Variants in ST3GAL1 observed in about 807,000 individuals in gnomAD.
The protein encoded by ST3GAL1 is ST3 beta-galactoside alpha-2,3-sialyltransferase 1, also known as CMP-N-acetylneuraminate-beta-galactosamide-alpha-2,3-sialyltransferase 1.
Under a neutral mutation model 34.1 loss-of-function variants are expected in ST3GAL1, and 16 were observed. That is an observed-to-expected ratio of 0.47 (90% CI 0.32 to 0.71). The LOEUF is 0.71. Ranked by LOEUF, ST3GAL1 falls within the 30% of genes least tolerant of loss-of-function variation. ST3GAL1 has a pLI of 0.04. For synonymous variants in ST3GAL1, 191 were observed against 184.7 expected (o/e 1.03, Z -0.28); for missense variants, 353 against 447.4 (o/e 0.79, Z 1.90).
intron 5 of ST3GAL1, among the ~76,000 whole-genome samples, chr8:133,473,596 G>A (rs1816047802): frequency 6.6e-6 from 1 of 152,212 alleles, no homozygotes; most frequent in Non-Finnish European, 1.5e-5. Context: ...GAGAGGAGAT[G>A]GGATGTGTGT....
intron 7 of ST3GAL1, among the ~76,000 whole-genome samples, chr8:133,464,508 C>A (rs1282874036): frequency 3.9e-5 from 6 of 152,232 alleles, no homozygotes; most frequent in Non-Finnish European, 7.3e-5. Flanking sequence ...CTAGTGGCGG[C>A]CCCTTCCCAT....
intron 8 of ST3GAL1, among the ~76,000 whole-genome samples, chr8:133,462,739 T>C (rs1815558558): frequency 6.6e-6 from 1 of 152,190 alleles, no homozygotes; most frequent in African/African-American, 2.4e-5. Context: ...TCTAGGAGGC[T>C]GTCCCTTCCA....
At chr8:133,567,378 C>A (rs1261606854) in intron 1 of ST3GAL1, 1 of 152,210 alleles carries the variant, frequency 6.6e-6, no homozygotes, top group African/African-American at 2.4e-5. Context: ...AACAACCCAA[C>A]CACCACCAAT....
chr8:133,483,066 G>A (rs1229316743), intron 3 of ST3GAL1, among the ~76,000 whole-genome samples: 1 of 152,228 alleles, frequency 6.6e-6, no homozygotes, highest in African/African-American at 2.4e-5. Context: ...CGCAGGCCGG[G>A]CATGGTGGCT....
chr8:133,554,605 C>T (rs1025108014), intron 1 of ST3GAL1, among the ~76,000 whole-genome samples: 2 of 152,172 alleles, frequency 1.3e-5, no homozygotes, highest in Non-Finnish European at 2.9e-5. Context: ...CCACCACCTC[C>T]TCCTCTTCAC....
At chr8:133,537,226 G>C (rs1428655073) in intron 2 of ST3GAL1, among the ~76,000 whole-genome samples, 7 of 152,144 alleles carry the variant, frequency 4.6e-5, no homozygotes. Context: ...GTGGGGGGAG[G>C]TATGGGGGAA....
At chr8:133,535,670 G>A (rs191012479) in intron 2 of ST3GAL1, among the ~76,000 whole-genome samples, 1 of 151,954 alleles carries the variant, frequency 6.6e-6, no homozygotes, top group Non-Finnish European at 1.5e-5. Context: ...ACTTTTTTTG[G>A]TAGGGGGTGA....
At chr8:133,546,478 C>CAAAAAAA (rs10553471) in intron 1 of ST3GAL1, among the ~76,000 whole-genome samples, 1 of 114,808 alleles carries the variant, frequency 8.7e-6, no homozygotes, top group Non-Finnish European at 1.9e-5. Context: ...GAGACTCCGT[C>CAAAAAAA]AAAAAAAAAA....
chr8:133,465,865 G>A, intron 6 of ST3GAL1, 29 bp downstream of exon 6: 1 of 1,603,450 alleles, frequency 6.2e-7, no homozygotes, highest in South Asian at 1.1e-5. Context: ...GTGCAGCACG[G>A]TAGGCTTGGG....
intron 2 of ST3GAL1, among the ~76,000 whole-genome samples, chr8:133,511,563 C>T (rs1446626680): frequency 6.6e-6 from 1 of 152,204 alleles, no homozygotes; most frequent in Non-Finnish European, 1.5e-5. Context: ...CCAGGGCACA[C>T]AGCTAGTAGG....
At chr8:133,509,162 A>C (rs1437935466) in intron 2 of ST3GAL1, among the ~76,000 whole-genome samples, 1 of 152,270 alleles carries the variant, frequency 6.6e-6, no homozygotes, top group East Asian at 1.9e-4. Context: ...TTAGCTAATA[A>C]ATTAAAATAA....
intron 5 of ST3GAL1, among the ~76,000 whole-genome samples, chr8:133,473,037 T>C (rs1816027583): frequency 6.6e-6 from 1 of 152,182 alleles, no homozygotes; most frequent in African/African-American, 2.4e-5. Flanking sequence ...AAGTCACTCC[T>C]GATGGGACCT....
At chr8:133,487,421 C>T (rs932744551) in intron 3 of ST3GAL1, among the ~76,000 whole-genome samples, 7 of 152,076 alleles carry the variant, frequency 4.6e-5, no homozygotes, top group African/African-American at 1.2e-4. Flanking sequence ...TTCAGAACTG[C>T]ATATGTGTGT....
intron 2 of ST3GAL1, among the ~76,000 whole-genome samples, chr8:133,525,378 G>A (rs1218297512): frequency 6.6e-6 from 1 of 152,198 alleles, no homozygotes; most frequent in Admixed American, 6.5e-5. Flanking sequence ...GGCTCAGAAG[G>A]GAGGAAGTGT....
Position 133,456,253 on chromosome 8 carries a change from C to A in ST3GAL1, c.*3511G>T, listed in dbSNP as rs967690636. On this transcript the variant is annotated 3_prime_UTR_variant, in exon 10 of 10. Coordinates refer to ENST00000522652, the MANE Select transcript of ST3GAL1 (RefSeq NM_173344.3). ...GAGGGGAGGAGAGGTGCATGTAGCT[C>A]CAGCTATAGCAAATCAGTGCCCTGA... 2.0e-5 allele frequency: 3 copies of A among 152,164 alleles called. No individual in the cohort carries two copies. The highest frequency in any genetic ancestry group is 4.4e-5 in the Non-Finnish European group (3 of 68,042). 9.4% of individuals were successfully genotyped at this position (152,164 alleles called of 1,614,324 possible). A position where few individuals can be genotyped will look rare whatever the true frequency, so the allele number is the denominator to read the frequency against.
chr8:133,517,129 T>C (rs534442316), intron 2 of ST3GAL1, among the ~76,000 whole-genome samples: 4 of 152,342 alleles, frequency 2.6e-5, no homozygotes, highest in Admixed American at 1.3e-4. Context: ...GAAACCATTA[T>C]GGGGACGTTT....
At chr8:133,553,682 T>C (rs1184155852) in intron 1 of ST3GAL1, among the ~76,000 whole-genome samples, 1 of 152,188 alleles carries the variant, frequency 6.6e-6, no homozygotes, top group Non-Finnish European at 1.5e-5. Context: ...AGCGAGTATC[T>C]TTCTGTTATC....
In ST3GAL1 at chr8:133,455,631, G is replaced by A. The variant is rs988839586; in HGVS notation, c.*4133C>T. 3 of 152,320 alleles carry A rather than the reference G, an allele frequency of 2.0e-5. No individual in the cohort carries two copies. The highest frequency in any genetic ancestry group is 7.2e-5 in the African/African-American group (3 of 41,440). The allele number at this position is 152,320 out of a possible 1,614,324, so 9.4% of individuals were successfully genotyped here. A position where few individuals can be genotyped will look rare whatever the true frequency, so the allele number is the denominator to read the frequency against. The stretch of plus-strand genomic sequence containing the variant: ...TGCTGCAAACCAGATGTCTGCGATG[G>A]ATATAATGATACCCCCGGGGCTCTT... On this transcript the variant is annotated 3_prime_UTR_variant, in exon 10 of 10. Transcript: ENST00000522652.
intron 8 of ST3GAL1, among the ~76,000 whole-genome samples, chr8:133,463,163 G>C (rs142739216): frequency 1.4e-3 from 212 of 152,356 alleles, no homozygotes; most frequent in African/African-American, 4.9e-3. Flanking sequence ...TGATTCAGTA[G>C]GTTCGAGATG....
Sources: gnomAD v4.1 joint callset for allele counts (sites outside exome capture counted in the v4.1 genomes callset) on GRCh38, gnomAD v4.1.1 for gene constraint, MANE v1.5 for transcripts, NCBI Gene and HGNC (gene_info 2026-07-23, HGNC 2026-07-21) for gene names.